The following ACTN2 variants were observed in gnomAD, a reference collection of about 807,000 sequenced individuals.
The protein encoded by ACTN2 is alpha-actinin-2.
A neutral mutation model predicts 113.8 loss-of-function variants in ACTN2; 39 were observed. The observed-to-expected ratio is 0.34, with a 90% CI of 0.27 to 0.45. The LOEUF (loss-of-function observed/expected upper bound fraction) is 0.45. Among genes scored for constraint, ACTN2 ranks in the 20% least tolerant of loss-of-function variants. The pLI is 1.00. For synonymous variants in ACTN2, 429 were observed against 444.1 expected (o/e 0.97, Z 0.43); for missense variants, 992 against 1,177.9 (o/e 0.84, Z 2.31).
intron 7 of ACTN2, among the ~76,000 whole-genome samples, chr1:236,733,951 G>A (rs1051129578): frequency 6.6e-6 from 1 of 152,158 alleles, no homozygotes; most frequent in African/African-American, 2.4e-5. Flanking sequence ...GCTTTTACAA[G>A]GTTGTAAAAA....
chr1:236,728,198 C>T (rs1201599820), intron 6 of ACTN2, among the ~76,000 whole-genome samples: 1 of 145,450 alleles, frequency 6.9e-6, no homozygotes, highest in Non-Finnish European at 1.5e-5. Context: ...AGCTGGAGTG[C>T]AGTGGTGTGA....
intron 1 of ACTN2, among the ~76,000 whole-genome samples, chr1:236,715,738 C>G (rs1658183660): frequency 6.6e-6 from 1 of 152,092 alleles, no homozygotes; most frequent in Non-Finnish European, 1.5e-5. Context: ...GATGGATCAC[C>G]TGAAGTCAGG....
chr1:236,745,443 AAAAAC>A (rs1659204508), intron 12 of ACTN2, among the ~76,000 whole-genome samples: 1 of 152,196 alleles, frequency 6.6e-6, no homozygotes, highest in African/African-American at 2.4e-5. Context: ...CAAAAAAACA[AAAAAC>A]AAAACAAAAT....
At chr1:236,734,080 A>C (rs35684907) in intron 7 of ACTN2, among the ~76,000 whole-genome samples, 1 of 152,102 alleles carries the variant, frequency 6.6e-6, no homozygotes, top group African/African-American at 2.4e-5. Context: ...TGGGCCCTCC[A>C]TGTGTGTAGT....
At chr1:236,692,914 C>T (rs780216425) in intron 1 of ACTN2, among the ~76,000 whole-genome samples, 1 of 152,074 alleles carries the variant, frequency 6.6e-6, no homozygotes, top group Non-Finnish European at 1.5e-5. Context: ...ACAGAAAAGG[C>T]GCAGTTCTGG....
chr1:236,696,729 A>G (rs1657513073), intron 1 of ACTN2, among the ~76,000 whole-genome samples: 1 of 148,640 alleles, frequency 6.7e-6, no homozygotes, highest in Admixed American at 6.8e-5. Flanking sequence ...GCAGTGGCGC[A>G]ATCTCGGCTC....
rs1558233430 is a variant in ACTN2, at chr1:236,721,018, T to G, written c.448+827T>G. 8.5e-5 allele frequency among the ~76,000 whole-genome samples: 5 copies of G among 58,670 alleles called. 1 individual carries two copies. Among genetic ancestry groups the G allele is most frequent in the Non-Finnish European group, 1.9e-4 (5 of 25,728 alleles). The allele number at this position is 58,670 out of a possible 152,430, so 38.5% of individuals were successfully genotyped here. A position where few individuals can be genotyped will look rare whatever the true frequency, so the allele number is the denominator to read the frequency against. On this transcript the variant is annotated intron_variant, in intron 4 of 20. Transcript: ENST00000366578. ...GTAGCCTCTGACTCTGGTTTTTGTTTTTTGTTTTTTTTTTTTTTTTTTTTT... is the reference window on the plus strand; with the variant it reads ...GTAGCCTCTGACTCTGGTTTTTGTTGTTTGTTTTTTTTTTTTTTTTTTTTT...
intron 1 of ACTN2, among the ~76,000 whole-genome samples, chr1:236,700,884 T>C (rs2102869747): frequency 6.6e-6 from 1 of 152,320 alleles, no homozygotes; most frequent in Middle Eastern, 3.4e-3. Flanking sequence ...CTGGGAATGT[T>C]CTGGGTAGCC....
At chr1:236,715,804 A>G (rs1658186666) in intron 1 of ACTN2, among the ~76,000 whole-genome samples, 1 of 152,106 alleles carries the variant, frequency 6.6e-6, no homozygotes, top group Admixed American at 6.5e-5. Flanking sequence ...AAAAATACAA[A>G]AATCAGCTAG....
At chr1:236,706,111 C>CT (rs5781915) in intron 1 of ACTN2, among the ~76,000 whole-genome samples, 24 of 147,678 alleles carry the variant, frequency 1.6e-4, no homozygotes, top group Middle Eastern at 3.6e-3. Flanking sequence ...AAGGTATTTT[C>CT]TTTTTTTTTT....
At chr1:236,691,564 G>A (rs1345450365) in intron 1 of ACTN2, among the ~76,000 whole-genome samples, 1 of 151,960 alleles carries the variant, frequency 6.6e-6, no homozygotes, top group Non-Finnish European at 1.5e-5. Flanking sequence ...AGGATCATTT[G>A]AGCCCAGGAG....
intron 20 of ACTN2, among the ~76,000 whole-genome samples, 179 bp from the exon 21 acceptor site, chr1:236,762,282 C>T (rs771239043): frequency 7.2e-5 from 11 of 152,146 alleles, no homozygotes; most frequent in African/African-American, 2.7e-4. Flanking sequence ...CTTCTAGATA[C>T]GCTCCTACAA....
intron 1 of ACTN2, among the ~76,000 whole-genome samples, chr1:236,696,317 CAAA>C (rs11317690): frequency 4.5e-4 from 58 of 128,314 alleles, no homozygotes; most frequent in African/African-American, 8.4e-4. Context: ...GACTCTGTCT[CAAA>C]AAAAAAAAAA....
intron 1 of ACTN2, among the ~76,000 whole-genome samples, chr1:236,690,952 T>G (rs1356498229): frequency 6.6e-6 from 1 of 150,712 alleles, no homozygotes; most frequent in Non-Finnish European, 1.5e-5. Context: ...TTTTTTTTTT[T>G]TTTGAGACGG....
intron 13 of ACTN2, 118 bp downstream of exon 13, chr1:236,747,893 AC>A: frequency 1.3e-6 from 1 of 786,684 alleles, no homozygotes; most frequent in South Asian, 1.5e-5. Flanking sequence ...AGTGAAAGGA[AC>A]CTCTAAAGAA....
chr1:236,715,379 A>G (rs937581874), intron 1 of ACTN2, among the ~76,000 whole-genome samples: 1 of 146,978 alleles, frequency 6.8e-6, no homozygotes. Flanking sequence ...ATAAATACAT[A>G]AAATTAATAT....
chr1:236,738,077 C>T (rs1445068244), intron 9 of ACTN2, among the ~76,000 whole-genome samples: 1 of 152,172 alleles, frequency 6.6e-6, no homozygotes, highest in Non-Finnish European at 1.5e-5. Flanking sequence ...TGGGGCAGTC[C>T]TGGCGCACTG....
chr1:236,748,970 T>C (rs1659313126), intron 13 of ACTN2, among the ~76,000 whole-genome samples, 154 bp from the exon 14 acceptor site: 1 of 152,238 alleles, frequency 6.6e-6, no homozygotes. Flanking sequence ...GGGCTCAGCC[T>C]AATTGTTTGA....
intron 5 of ACTN2, among the ~76,000 whole-genome samples, chr1:236,727,010 G>A (rs891647536): frequency 6.6e-6 from 1 of 152,136 alleles, no homozygotes; most frequent in Admixed American, 6.5e-5. Flanking sequence ...TTGAGGAACA[G>A]AACTCCCACA....
Sources: allele counts gnomAD v4.1 joint callset (sites outside exome capture counted in the v4.1 genomes callset), GRCh38; gene constraint gnomAD v4.1.1; transcripts MANE v1.5; gene names NCBI Gene and HGNC (gene_info 2026-07-23, HGNC 2026-07-21).